Variants in NCOR1 observed in about 807,000 individuals in gnomAD.
NCOR1 encodes the protein nuclear receptor corepressor 1, also known as protein phosphatase 1, regulatory subunit 109.
NCOR1 carries 63 observed loss-of-function variants against 288.1 expected under a neutral mutation model. The ratio of observed to expected loss-of-function variants is 0.22; its 90% CI spans 0.18 to 0.27. The LOEUF is 0.27. Ranked by LOEUF, NCOR1 falls within the 10% of genes least tolerant of loss-of-function variation. The pLI is 1.00. For synonymous variants in NCOR1, 1,007 were observed against 1,065.9 expected, an observed-to-expected ratio of 0.94 and a Z score of 1.08; for missense variants, 2,397 against 3,019.2, an observed-to-expected ratio of 0.79 and a Z score of 4.83.
chr17:16,142,374 G>C (rs2077281101), intron 11 of NCOR1, among the ~76,000 whole-genome samples: 1 of 151,786 alleles, frequency 6.6e-6, no homozygotes, highest in Admixed American at 6.6e-5. Context: ...AAATATCTTT[G>C]ATCATTACTT....
chr17:16,054,065 A>C (rs1242529043), intron 40 of NCOR1, among the ~76,000 whole-genome samples: 1 of 141,892 alleles, frequency 7.0e-6, no homozygotes, highest in Non-Finnish European at 1.5e-5. Flanking sequence ...TTAAAGACTT[A>C]AATGTAAAAA....
At chr17:16,184,363 T>A (rs1409000931) in intron 3 of NCOR1, among the ~76,000 whole-genome samples, 1 of 152,146 alleles carries the variant, frequency 6.6e-6, no homozygotes, top group Non-Finnish European at 1.5e-5. Context: ...TAAAACTCAA[T>A]AGCAGAAAAA....
intron 42 of NCOR1, among the ~76,000 whole-genome samples, chr17:16,044,184 A>AG (rs2058254612): frequency 6.6e-6 from 1 of 151,654 alleles, no homozygotes; most frequent in Non-Finnish European, 1.5e-5. Context: ...AAAAAAAAAA[A>AG]AAAAGAAAGA....
chr17:16,139,095 C>G lies in NCOR1; in HGVS notation c.1265G>C (p.Gly422Ala). The change falls in exon 12 of 46, where the codon GGG becomes GCG. Residue 422 changes from glycine (G) to alanine (A), a missense_variant. Transcript: ENST00000268712. ...QRRVKFINMNGLMEDPMKVYK... is the reference protein window; with the variant it reads ...QRRVKFINMNALMEDPMKVYK... ...CACTTTCATAGGGTCCTCCATAAGC[C>G]CATTCATGTTAATGAACTTGACTCG... 6.2e-7 allele frequency: 1 copy of G among 1,613,210 alleles called. No individual in the cohort carries two copies. The highest frequency in any genetic ancestry group is 1.1e-5 in the South Asian group (1 of 90,972).
At chr17:16,198,619 G>C (rs1230055906) in intron 1 of NCOR1, 3 of 150,862 alleles carry the variant, frequency 2.0e-5, no homozygotes, top group East Asian at 2.0e-4. Flanking sequence ...CCAGCTACTC[G>C]AGAGGCTGAG....
rs754816304 is a variant in NCOR1, at chr17:16,080,699, T to C, written c.3206A>G (p.His1069Arg). The change falls in exon 24 of 46, where the codon CAT (histidine) becomes CGT (arginine). Residue 1069 changes from histidine (H) to arginine (R), a missense_variant. His to Arg is a conservative substitution (Grantham distance 29, BLOSUM62 0). This residue lies in a region of NCOR1 where 1,872 missense variants were observed against 2,187.8 expected (regional missense o/e 0.86). Coordinates refer to ENST00000268712, the MANE Select transcript of NCOR1 (RefSeq NM_006311.4). Reference sequence around the variant, plus strand: ...TTCTTGAGTGTAGGAAGCCTGATTATGAGAAGTCAAATAAGTGCCTGGTGT... The same window carrying C: ...TTCTTGAGTGTAGGAAGCCTGATTACGAGAAGTCAAATAAGTGCCTGGTGT... The part of the protein sequence containing the change: ...QGTPGTYLTS[H>R]NQASYTQETP... 7 of 1,612,050 alleles carry C rather than the reference T, an allele frequency of 4.3e-6. No individual in the cohort carries two copies. Among genetic ancestry groups the C allele is most frequent in the Non-Finnish European group, 3.4e-6 (4 of 1,178,414 alleles).
intron 44 of NCOR1, among the ~76,000 whole-genome samples, chr17:16,036,154 G>A (rs2056318197): frequency 6.6e-6 from 1 of 152,138 alleles, no homozygotes; most frequent in Admixed American, 6.5e-5. Context: ...CTTCAGAATG[G>A]ATGTTGTGTT....
intron 15 of NCOR1, among the ~76,000 whole-genome samples, chr17:16,121,682 A>G (rs1315519105): frequency 1.3e-5 from 2 of 152,214 alleles, no homozygotes; most frequent in Admixed American, 6.5e-5. Flanking sequence ...AGAAGCTAAA[A>G]TAGATGATCT....
chr17:16,206,337 C>CAA (rs200765899), intron 1 of NCOR1, among the ~76,000 whole-genome samples: 32 of 117,846 alleles, frequency 2.7e-4, no homozygotes, highest in East Asian at 9.5e-4. Flanking sequence ...TTTTTCTGGC[C>CAA]AAAAAAAAAA....
chr17:16,098,330 T>C, intron 21 of NCOR1, 37 bp downstream of exon 21: 1 of 1,603,216 alleles, frequency 6.2e-7, no homozygotes, highest in Non-Finnish European at 8.5e-7. Flanking sequence ...GTCTCAGTTT[T>C]TCATATTTAG....
In NCOR1 at chr17:16,133,474, C is replaced by A. The variant is rs954390550; in HGVS notation, c.1509+3837G>T. ...TCCTGACTAGAGCTTGGTTACATAG[C>A]AGAGAAGTAAAGTGATTTTCAAATT... is the stretch of plus-strand genomic sequence containing the variant. On this transcript the variant is annotated intron_variant, in intron 14 of 45. Coordinates refer to ENST00000268712, the MANE Select transcript of NCOR1 (RefSeq NM_006311.4). Among the ~76,000 whole-genome samples, 3 of 152,276 alleles carry A rather than the reference C, an allele frequency of 2.0e-5. No individual in the cohort carries two copies. In the East Asian group the frequency reaches 5.8e-4, roughly 29 times the overall value.
chr17:16,127,440 T>C (rs2074625372), intron 14 of NCOR1, among the ~76,000 whole-genome samples: 1 of 144,416 alleles, frequency 6.9e-6, no homozygotes, highest in East Asian at 2.0e-4. Flanking sequence ...TGTGTATGTA[T>C]ATATGTGTAT....
chr17:16,177,681 G>A (rs1269318203), intron 3 of NCOR1, among the ~76,000 whole-genome samples: 2 of 152,122 alleles, frequency 1.3e-5, no homozygotes, highest in East Asian at 3.9e-4. Context: ...CCCTCTACCA[G>A]CCAGACATGT....
rs2153189988 is a variant in NCOR1, at chr17:16,126,113, C to T, written c.1603G>A (p.Glu535Lys). ...TEKKEEEKKD[E>K]EEKDEKEDSK... Reference sequence around the variant, plus strand: ...TCTTCTTTTTCATCTTTTTCCTCTTCATCTTTCTTTTCTTCTTCTTTTTTT... The same window carrying T: ...TCTTCTTTTTCATCTTTTTCCTCTTTATCTTTCTTTTCTTCTTCTTTTTTT... The change falls in exon 15 of 46, where the codon GAA (glutamate) becomes AAA (lysine). Residue 535 changes from glutamate (E) to lysine (K), a missense_variant. Coordinates refer to ENST00000268712, the MANE Select transcript of NCOR1 (RefSeq NM_006311.4). 4 of 1,456,536 alleles carry T rather than the reference C, an allele frequency of 2.7e-6. No individual in the cohort carries two copies. Among genetic ancestry groups the T allele is most frequent in the Non-Finnish European group, 3.7e-6 (4 of 1,070,034 alleles). 90.2% of individuals were successfully genotyped at this position (1,456,536 alleles called of 1,614,324 possible).
At chr17:16,116,419 G>A (rs1226282417) in intron 18 of NCOR1, among the ~76,000 whole-genome samples, 1 of 152,236 alleles carries the variant, frequency 6.6e-6, no homozygotes, top group Admixed American at 6.5e-5. Flanking sequence ...AATCTGTAAT[G>A]AGAAGGTGTG....
At chr17:16,049,699 C>A (rs1369552396) in intron 40 of NCOR1, among the ~76,000 whole-genome samples, 1 of 151,906 alleles carries the variant, frequency 6.6e-6, no homozygotes, top group African/African-American at 2.4e-5. Flanking sequence ...CCTGCCTCAG[C>A]CTCCCGAGCA....
intron 1 of NCOR1, among the ~76,000 whole-genome samples, chr17:16,198,876 C>G (rs1244826125): frequency 6.6e-6 from 1 of 152,074 alleles, no homozygotes; most frequent in Non-Finnish European, 1.5e-5. Flanking sequence ...ATAAATAAAG[C>G]TATAAATGGA....
At chr17:16,142,118 A>G (rs1313985082) in intron 11 of NCOR1, among the ~76,000 whole-genome samples, 2 of 152,214 alleles carry the variant, frequency 1.3e-5, no homozygotes, top group Non-Finnish European at 2.9e-5. Context: ...CAATACCCAT[A>G]GAAAAAGGAG....
At chr17:16,054,484 C>T (rs971263198) in intron 40 of NCOR1, among the ~76,000 whole-genome samples, 6 of 151,820 alleles carry the variant, frequency 4.0e-5, no homozygotes, top group Admixed American at 1.3e-4. Flanking sequence ...TGCTGTGAGC[C>T]GAGACTGCGC....
Sources: allele counts gnomAD v4.1 joint callset (sites outside exome capture counted in the v4.1 genomes callset), GRCh38; gene constraint gnomAD v4.1.1; regional missense constraint gnomAD v4.1.1; transcripts MANE v1.5; gene names NCBI Gene and HGNC (gene_info 2026-07-23, HGNC 2026-07-21).